The following ZNF721 variants were observed in gnomAD, a reference collection of about 807,000 sequenced individuals.
ZNF721 encodes zinc finger protein 721.
ZNF721 carries 2 observed loss-of-function variants against 2.4 expected under a neutral mutation model. The observed-to-expected ratio is 0.82, with a 90% confidence interval of 0.34 to 2.58. The LOEUF (loss-of-function observed/expected upper bound fraction) is 2.58, where lower values mean the gene tolerates loss of function less well. Ranked by LOEUF, ZNF721 falls within the 30% of genes most tolerant of loss-of-function variation. The probability of loss-of-function intolerance (pLI) is 0.11; values close to 1 mark genes in which losing one functional copy is unlikely to be tolerated. For synonymous variants in ZNF721, 398 were observed against 381.8 expected, an observed-to-expected ratio of 1.04 and a Z score of -0.50; for missense variants, 1,187 against 1,085.5, an observed-to-expected ratio of 1.09 and a Z score of -1.31.
chr4:485,938 G>A (rs185961314), intron 1 of ZNF721, among the ~76,000 whole-genome samples: 1 of 152,132 alleles, frequency 6.6e-6, no homozygotes, highest in Admixed American at 6.5e-5. Flanking sequence ...TTGTGCCACT[G>A]CACTCCAGCC....
chr4:487,732 G>C (rs1715932130), intron 1 of ZNF721, among the ~76,000 whole-genome samples: 1 of 152,176 alleles, frequency 6.6e-6, no homozygotes, highest in South Asian at 2.1e-4. Context: ...CAGGAGAATA[G>C]GGTCTGGAGA....
chr4:469,103 T>G (rs986550548), intron 2 of ZNF721, among the ~76,000 whole-genome samples: 7 of 152,188 alleles, frequency 4.6e-5, no homozygotes, highest in Non-Finnish European at 1.0e-4. Context: ...TGCAGGTTGT[T>G]TTTTTGTGTG....
At chr4:487,795 G>T (rs532196361) in intron 1 of ZNF721, among the ~76,000 whole-genome samples, 1 of 152,210 alleles carries the variant, frequency 6.6e-6, no homozygotes, top group South Asian at 2.1e-4. Flanking sequence ...AAACACCAAG[G>T]TCTGGGAGCA....
chr4:492,488 TAAGAAAATTTC>T (rs1716048377), intron 1 of ZNF721, among the ~76,000 whole-genome samples: 2 of 152,118 alleles, frequency 1.3e-5, no homozygotes, highest in Non-Finnish European at 2.9e-5. Flanking sequence ...ATCGATCCCT[TAAGAAAATTTC>T]ATTTTTCTAA....
chr4:465,082 TAA>T (rs112910440), intron 2 of ZNF721, among the ~76,000 whole-genome samples: 2 of 138,236 alleles, frequency 1.4e-5, no homozygotes, highest in Admixed American at 1.5e-4. Context: ...AAGATTCCAT[TAA>T]AAAAAAAAAA....
At position 442,796 on chromosome 4, in the gene ZNF721, G is replaced by A; in HGVS notation, c.1671C>T (p.Tyr557=). Residue 557 remains tyrosine, a synonymous_variant, in exon 3 of 3, where the codon TAC becomes TAT. Transcript: ENST00000511833. ...HRRIHTGEKP[Y]TCEECGKTFR... The stretch of plus-strand genomic sequence containing the variant: ...AGGTTTTGCCACATTCTTCACATGT[G>A]TAGGGTTTCTCTCCAGTATGAATTC... 2 of 1,613,982 alleles carry A rather than the reference G, an allele frequency of 1.2e-6. No individual in the cohort carries two copies. The highest frequency in any genetic ancestry group is 1.7e-6 in the Non-Finnish European group (2 of 1,179,954).
intron 1 of ZNF721, among the ~76,000 whole-genome samples, chr4:497,362 A>G (rs2108727565): frequency 6.6e-6 from 1 of 152,082 alleles, no homozygotes; most frequent in East Asian, 1.9e-4. Flanking sequence ...AATACCGAGG[A>G]TCAATAGGCG....
chr4:490,927 C>G (rs1466045764), intron 1 of ZNF721, among the ~76,000 whole-genome samples: 1 of 150,836 alleles, frequency 6.6e-6, no homozygotes, highest in South Asian at 2.1e-4. Context: ...GCACTCTAGC[C>G]TGGCAGGCAG....
At chr4:494,698 CTTTA>C (rs547571282) in intron 1 of ZNF721, among the ~76,000 whole-genome samples, 23 of 152,046 alleles carry the variant, frequency 1.5e-4, no homozygotes, top group Admixed American at 3.3e-4. Flanking sequence ...AGGGAGACAG[CTTTA>C]TTTTTCTTTG....
intron 2 of ZNF721, among the ~76,000 whole-genome samples, chr4:450,064 CTG>C (rs1302396244): frequency 6.6e-6 from 1 of 152,176 alleles, no homozygotes; most frequent in Non-Finnish European, 1.5e-5. Context: ...CACAAATAAA[CTG>C]TGGACGACCA....
intron 1 of ZNF721, among the ~76,000 whole-genome samples, chr4:489,248 T>C (rs1202904923): frequency 1.3e-5 from 2 of 152,082 alleles, no homozygotes; most frequent in African/African-American, 4.8e-5. Context: ...AGGGGAGAAA[T>C]TGACCCCTCC....
intron 1 of ZNF721, among the ~76,000 whole-genome samples, chr4:492,154 T>G (rs1335645583): frequency 6.6e-6 from 1 of 150,412 alleles, no homozygotes; most frequent in African/African-American, 2.5e-5. Context: ...CAGAGGGAGA[T>G]TCCGTCTCAA....
intron 2 of ZNF721, among the ~76,000 whole-genome samples, chr4:468,186 G>T (rs1175922670): frequency 1.3e-5 from 2 of 152,002 alleles, no homozygotes; most frequent in East Asian, 3.9e-4. Context: ...AGAATGGCAT[G>T]AACCCAGCAG....
At chr4:481,610 C>T (rs1456662370) in intron 1 of ZNF721, among the ~76,000 whole-genome samples, 1 of 150,890 alleles carries the variant, frequency 6.6e-6, no homozygotes, top group African/African-American at 2.4e-5. Flanking sequence ...CCTCTGTCGC[C>T]AAGGCTGGAG....
rs1045936490 is a variant in ZNF721, at chr4:477,945, T to C, written c.-93-5244A>G. 2.0e-5 allele frequency among the ~76,000 whole-genome samples: 3 copies of C among 152,160 alleles called. 1 individual carries two copies. Among genetic ancestry groups the C allele is most frequent in the South Asian group, 4.1e-4 (2 of 4,824 alleles). On this transcript the variant is annotated intron_variant, in intron 1 of 2. Coordinates refer to ENST00000511833, the MANE Select transcript of ZNF721 (RefSeq NM_133474.4). ...ACAATAAGGAAGCATCTCACAGACCTGGGCAGAAACTAAGTGGGGACAAAG... is the reference window on the plus strand; with the variant it reads ...ACAATAAGGAAGCATCTCACAGACCCGGGCAGAAACTAAGTGGGGACAAAG...
At chr4:447,473 G>C (rs978303097) in intron 2 of ZNF721, among the ~76,000 whole-genome samples, 2 of 151,840 alleles carry the variant, frequency 1.3e-5, no homozygotes, top group African/African-American at 4.8e-5. Flanking sequence ...AGACACTAAG[G>C]AAGACAGAAA....
chr4:466,570 C>T (rs1277398720), intron 2 of ZNF721, among the ~76,000 whole-genome samples: 1 of 152,176 alleles, frequency 6.6e-6, no homozygotes, highest in Non-Finnish European at 1.5e-5. Context: ...ATTACCACTA[C>T]CAAAGAAGTC....
chr4:486,657 T>G (rs1715906638), intron 1 of ZNF721, among the ~76,000 whole-genome samples: 1 of 152,244 alleles, frequency 6.6e-6, no homozygotes, highest in Non-Finnish European at 1.5e-5. Context: ...TAATTTGACT[T>G]TGTCTATATT....
Position 442,083 on chromosome 4 carries a change from C to G in ZNF721, c.2384G>C (p.Ser795Thr). 1 of 1,613,808 alleles carries G rather than the reference C, an allele frequency of 6.2e-7. No individual in the cohort carries two copies. ...ECGKVITSSS[S>T]FAKHKRIHTG... ...ATGAATCCTCTTATGTTTAGCAAAG[C>G]TTGAGGATGACGTAATGACTTTGCC... Residue 795 changes from serine (S) to threonine (T), a missense_variant, in exon 3 of 3, where the codon AGC (serine) becomes ACC (threonine). Coordinates refer to ENST00000511833, the MANE Select transcript of ZNF721 (RefSeq NM_133474.4).
Sources: gnomAD v4.1 joint callset for allele counts (sites outside exome capture counted in the v4.1 genomes callset) on GRCh38, gnomAD v4.1.1 for gene constraint, MANE v1.5 for transcripts, NCBI Gene and HGNC (gene_info 2026-07-23, HGNC 2026-07-21) for gene names.